Variants in MYT1L observed in about 807,000 individuals in gnomAD.
The protein encoded by MYT1L is myelin transcription factor 1 like.
A neutral mutation model predicts 126.7 loss-of-function variants in MYT1L; 12 were observed. The ratio of observed to expected loss-of-function variants is 0.09; its 90% CI spans 0.06 to 0.15. The LOEUF is 0.15. Among genes scored for constraint, MYT1L ranks in the 10% least tolerant of loss-of-function variants. The pLI is 1.00. For missense variants in MYT1L, 979 were observed against 1,585.2 expected, an observed-to-expected ratio of 0.62 and a Z score of 6.49; for synonymous variants, 541 against 604.2, an observed-to-expected ratio of 0.90 and a Z score of 1.53.
intron 13 of MYT1L, among the ~76,000 whole-genome samples, chr2:1,907,615 G>C (rs2051263123): frequency 6.6e-6 from 1 of 152,242 alleles, no homozygotes; most frequent in South Asian, 2.1e-4. Flanking sequence ...TGCAAGTCTG[G>C]GACTGGGAAG....
intron 8 of MYT1L, among the ~76,000 whole-genome samples, chr2:1,976,564 C>T (rs1245007586): frequency 5.9e-5 from 9 of 152,120 alleles, no homozygotes; most frequent in Admixed American, 5.9e-4. Context: ...ATACCTTGAA[C>T]CCAGGAGACA....
At chr2:1,864,503 C>A (rs1264465613) in intron 18 of MYT1L, among the ~76,000 whole-genome samples, 1 of 152,204 alleles carries the variant, frequency 6.6e-6, no homozygotes, top group Non-Finnish European at 1.5e-5. Flanking sequence ...ACATGGGGCC[C>A]CACAGAAAGT....
chr2:1,942,943 A>C lies in MYT1L; in HGVS notation c.505+39T>G, dbSNP rs371561775. 513 of 1,492,526 alleles carry C rather than the reference A, an allele frequency of 3.4e-4. 2 individuals are homozygous for C. Among genetic ancestry groups the C allele is most frequent in the Admixed American group, 2.5e-3 (118 of 46,696 alleles). 92.5% of individuals were successfully genotyped at this position (1,492,526 alleles called of 1,614,324 possible). A position where few individuals can be genotyped will look rare whatever the true frequency, so the allele number is the denominator to read the frequency against. On this transcript the variant is annotated intron_variant, in intron 9 of 24. Transcript: ENST00000647738. ...CAATTCACCTTGAACAGTGGACCCA[A>C]ATCACGACTTGTTACTTTGCTAATA...
intron 4 of MYT1L, among the ~76,000 whole-genome samples, chr2:2,010,031 A>G (rs77921749): frequency 0.029 from 4,391 of 151,454 alleles, 208 homozygotes; most frequent in African/African-American, 0.099. Context: ...ATTGATTTGC[A>G]TATTTGAAAC....
intron 8 of MYT1L, among the ~76,000 whole-genome samples, chr2:1,971,162 C>T (rs369148188): frequency 2.0e-5 from 3 of 150,894 alleles, no homozygotes; most frequent in East Asian, 2.0e-4. Flanking sequence ...CCTGGGGGAA[C>T]GGGGTGAGAC....
chr2:2,122,872 T>TGTGTGTGTGTGTGTGTGTGAGA (rs553951630), intron 3 of MYT1L, among the ~76,000 whole-genome samples: 25 of 133,074 alleles, frequency 1.9e-4, no homozygotes, highest in East Asian at 1.2e-3. Flanking sequence ...TGTGTGTGTG[T>TGTGTGTGTGTGTGTGTGTGAGA]GAGAGAGAGA....
intron 13 of MYT1L, 145 bp from the exon 14 acceptor site, chr2:1,903,439 T>A: frequency 1.5e-6 from 1 of 673,154 alleles, no homozygotes; most frequent in Non-Finnish European, 2.5e-6. Context: ...TTTTTTATTT[T>A]CTGAATAAAA....
chr2:1,922,140 CAA>C lies in MYT1L; in HGVS notation c.1483+144_1483+145del, dbSNP rs1420603818. 3 of 1,140,774 alleles carry C rather than the reference CAA, an allele frequency of 2.6e-6. No individual in the cohort carries two copies. The highest frequency in any genetic ancestry group is 3.6e-6 in the Non-Finnish European group (3 of 825,354). The allele number at this position is 1,140,774 out of a possible 1,614,324, so 70.7% of individuals were successfully genotyped here. On this transcript the variant is annotated intron_variant, in intron 10 of 24. Transcript: ENST00000647738. The surrounding 1 kb of genome is among the most constrained non-coding windows in gnomAD (Gnocchi z 7.4). ...TATTTGCTTGTCAGAAACGTAATCA[CAA>C]AATATCCTTCTGGAATCAACTCTAA...
Position 2,236,346 on chromosome 2 carries a change from G to A in MYT1L, c.-421+48058C>T, listed in dbSNP as rs1490113831. On this transcript the variant is annotated intron_variant, in intron 2 of 24. Coordinates refer to ENST00000647738, the MANE Select transcript of MYT1L (RefSeq NM_001303052.2). Reference sequence around the variant, plus strand: ...ACCCAGTACATGCCAACCCAACCCAGTACATCCCAACCCACCCCAGTACAT... The same window carrying A: ...ACCCAGTACATGCCAACCCAACCCAATACATCCCAACCCACCCCAGTACAT... Among the ~76,000 whole-genome samples the A allele has an allele frequency of 3.0e-5, 4 of 132,690 alleles. No individual in the cohort carries two copies. In the South Asian group the frequency reaches 7.4e-4, roughly 25 times the overall value. The allele number at this position is 132,690 out of a possible 152,430, so 87.0% of individuals were successfully genotyped here. A position where few individuals can be genotyped will look rare whatever the true frequency, so the allele number is the denominator to read the frequency against.
intron 18 of MYT1L, among the ~76,000 whole-genome samples, chr2:1,858,882 T>C (rs2044235394): frequency 6.6e-6 from 1 of 152,248 alleles, no homozygotes; most frequent in Non-Finnish European, 1.5e-5. Context: ...GAGTCTCTGC[T>C]GCCTCCCCCA....
intron 23 of MYT1L, among the ~76,000 whole-genome samples, chr2:1,797,874 T>C (rs1444185110): frequency 2.3e-5 from 3 of 127,678 alleles, no homozygotes; most frequent in African/African-American, 9.6e-5. Context: ...TCTCCCCCCA[T>C]CCGGCACAGG....
intron 2 of MYT1L, among the ~76,000 whole-genome samples, chr2:2,187,459 T>C (rs2092294307): frequency 6.6e-6 from 1 of 151,988 alleles, no homozygotes; most frequent in Non-Finnish European, 1.5e-5. Flanking sequence ...GGCTGGCTGC[T>C]GAAAGGCATG....
chr2:2,247,862 C>T (rs571167647), intron 2 of MYT1L, among the ~76,000 whole-genome samples: 29 of 151,990 alleles, frequency 1.9e-4, no homozygotes, highest in Non-Finnish European at 3.1e-4. Context: ...CACAACATAC[C>T]GAAACCTATG....
At chr2:2,022,556 T>G (rs2065140130) in intron 4 of MYT1L, among the ~76,000 whole-genome samples, 1 of 152,174 alleles carries the variant, frequency 6.6e-6, no homozygotes, top group Admixed American at 6.5e-5. Flanking sequence ...TTTTCCGGTC[T>G]GGAAGTATGC....
intron 8 of MYT1L, among the ~76,000 whole-genome samples, chr2:1,965,203 G>A (rs1303711241): frequency 1.5e-5 from 2 of 137,716 alleles, no homozygotes; most frequent in African/African-American, 5.9e-5. Context: ...TGACTTGCAG[G>A]GATCAGGCAG....
chr2:2,245,241 A>G (rs2094511820), intron 2 of MYT1L, among the ~76,000 whole-genome samples: 1 of 152,096 alleles, frequency 6.6e-6, no homozygotes, highest in African/African-American at 2.4e-5. Context: ...AGGATGATTA[A>G]CGACCTTCGG....
intron 14 of MYT1L, among the ~76,000 whole-genome samples, chr2:1,899,319 G>A (rs2050043032): frequency 6.6e-6 from 1 of 152,244 alleles, no homozygotes; most frequent in East Asian, 1.9e-4. Flanking sequence ...TGCATGGCAT[G>A]GAAACAGAAT....
At chr2:1,881,501 A>G (rs1353320397) in intron 18 of MYT1L, among the ~76,000 whole-genome samples, 6 of 152,194 alleles carry the variant, frequency 3.9e-5, no homozygotes, top group Non-Finnish European at 5.9e-5. Flanking sequence ...ATGATAAAAT[A>G]AAACTCCAAT....
At chr2:2,000,777 C>T (rs1397444036) in intron 4 of MYT1L, among the ~76,000 whole-genome samples, 2 of 152,164 alleles carry the variant, frequency 1.3e-5, no homozygotes, top group African/African-American at 4.8e-5. Context: ...TTCTAAGGCC[C>T]TGCATGTCAG....
Sources: gnomAD v4.1 joint callset for allele counts (sites outside exome capture counted in the v4.1 genomes callset) on GRCh38, gnomAD v4.1.1 for gene constraint, Gnocchi (gnomAD v3.1) non-coding constraint, MANE v1.5 for transcripts, NCBI Gene and HGNC (gene_info 2026-07-23, HGNC 2026-07-21) for gene names.